The following WARS2 variants were observed in gnomAD, a reference collection of about 807,000 sequenced individuals.
WARS2 encodes tryptophan--tRNA ligase, mitochondrial.
A neutral mutation model predicts 36.5 loss-of-function variants in WARS2; 28 were observed. That is an observed-to-expected ratio of 0.77 (90% confidence interval 0.57 to 1.05). WARS2 has a LOEUF of 1.05. Among genes scored for constraint, WARS2 ranks in the 50% least tolerant of loss-of-function variants. The probability of loss-of-function intolerance (pLI) is 0.00; values close to 1 mark genes in which losing one functional copy is unlikely to be tolerated. For missense variants in WARS2, 435 were observed against 456.8 expected (o/e 0.95, Z 0.44); for synonymous variants, 174 against 178.4 (o/e 0.98, Z 0.20).
intron 4 of WARS2, among the ~76,000 whole-genome samples, chr1:119,036,334 G>A (rs1485800291): frequency 6.6e-6 from 1 of 152,176 alleles, no homozygotes; most frequent in Non-Finnish European, 1.5e-5. Flanking sequence ...TCAGTGAGTG[G>A]CAAAAACAAA....
At chr1:119,102,379 T>C (rs1235542660) in intron 1 of WARS2, among the ~76,000 whole-genome samples, 1 of 152,226 alleles carries the variant, frequency 6.6e-6, no homozygotes, top group Admixed American at 6.5e-5. Flanking sequence ...ATTCAGTACA[T>C]TGTACCAACT....
At chr1:119,091,323 ATAAAAACTCTGAGGTACTTGTTT>A (rs1456354402) in intron 1 of WARS2, among the ~76,000 whole-genome samples, 1 of 152,208 alleles carries the variant, frequency 6.6e-6, no homozygotes, top group Non-Finnish European at 1.5e-5. Flanking sequence ...TTTGATCCTC[ATAAAAACTCTGAGGTACTTGTTT>A]CACAAGGATG....
chr1:119,051,755 C>G (rs1336004283), intron 2 of WARS2, among the ~76,000 whole-genome samples: 1 of 143,376 alleles, frequency 7.0e-6, no homozygotes, highest in African/African-American at 2.7e-5. Flanking sequence ...GTTGGTATCT[C>G]GCTGTAATTT....
At chr1:119,085,233 C>A (rs6658479) in intron 1 of WARS2, 1 of 856,178 alleles carries the variant, frequency 1.2e-6, no homozygotes, top group African/African-American at 1.7e-5. Flanking sequence ...CTTGGGTTTC[C>A]CCTTCTTCAG....
chr1:119,088,233 T>C (rs1436552927), intron 1 of WARS2, among the ~76,000 whole-genome samples: 3 of 152,156 alleles, frequency 2.0e-5, no homozygotes, highest in Non-Finnish European at 2.9e-5. Flanking sequence ...CTGCAATCAC[T>C]TGGGAGCTTT....
At chr1:119,060,361 C>G (rs1236162746) in intron 2 of WARS2, among the ~76,000 whole-genome samples, 2 of 152,202 alleles carry the variant, frequency 1.3e-5, no homozygotes, top group African/African-American at 4.8e-5. Context: ...TGCTATAACC[C>G]CACATGGCAG....
intron 2 of WARS2, among the ~76,000 whole-genome samples, chr1:119,071,687 T>G (rs1215710572): frequency 6.6e-6 from 1 of 152,154 alleles, no homozygotes. Flanking sequence ...AATGGGAAGA[T>G]GTTGGTCAAA....
At chr1:119,096,397 A>G (rs1018488733) in intron 1 of WARS2, among the ~76,000 whole-genome samples, 2 of 152,182 alleles carry the variant, frequency 1.3e-5, no homozygotes, top group East Asian at 1.9e-4. Flanking sequence ...GACTTTATTC[A>G]CCAGCGAAAT....
At chr1:119,051,916 C>T (rs921766669) in intron 2 of WARS2, among the ~76,000 whole-genome samples, 3 of 151,592 alleles carry the variant, frequency 2.0e-5, no homozygotes, top group South Asian at 2.1e-4. Flanking sequence ...ATGCAACTAC[C>T]GCCCGGCTAA....
intron 1 of WARS2, among the ~76,000 whole-genome samples, chr1:119,079,584 T>C (rs1158324840): frequency 2.0e-5 from 3 of 152,198 alleles, no homozygotes; most frequent in Non-Finnish European, 4.4e-5. Flanking sequence ...GTTAAGTCTT[T>C]TTTATACCTA....
chr1:119,053,106 G>A (rs538374548), intron 2 of WARS2, among the ~76,000 whole-genome samples: 43 of 152,194 alleles, frequency 2.8e-4, no homozygotes, highest in Admixed American at 1.5e-3. Flanking sequence ...CGAAGCAGGG[G>A]TCAGCAAACT....
chr1:119,081,818 A>T (rs1652213551), intron 1 of WARS2, among the ~76,000 whole-genome samples: 1 of 152,208 alleles, frequency 6.6e-6, no homozygotes, highest in African/African-American at 2.4e-5. Context: ...TGAAGAGCTG[A>T]AACAGAGAAG....
At chr1:119,084,185 T>TC (rs1652440665) in intron 1 of WARS2, among the ~76,000 whole-genome samples, 1 of 151,222 alleles carries the variant, frequency 6.6e-6, no homozygotes, top group Non-Finnish European at 1.5e-5. Context: ...CGGCTAATTT[T>TC]TTTTTTGGTA....
chr1:119,051,331 G>A (rs1649331419), intron 2 of WARS2, among the ~76,000 whole-genome samples: 1 of 152,068 alleles, frequency 6.6e-6, no homozygotes, highest in South Asian at 2.1e-4. Flanking sequence ...ATGGCCTCCA[G>A]CTCCGTCCAT....
chr1:119,085,697 G>A (rs1323742739), intron 1 of WARS2: 6 of 1,464,220 alleles, frequency 4.1e-6, no homozygotes, highest in South Asian at 2.3e-5. Context: ...TGCTCCTCTG[G>A]TCTTCATAGC....
intron 1 of WARS2, among the ~76,000 whole-genome samples, chr1:119,133,924 T>C (rs920025725): frequency 6.6e-6 from 1 of 152,136 alleles, no homozygotes; most frequent in Non-Finnish European, 1.5e-5. Flanking sequence ...TTGTATATTG[T>C]ATTCAAGAGT....
In WARS2 at chr1:119,093,356, T is replaced by C. The variant is rs587722447; in HGVS notation, c.91-16749A>G. 2.6e-4 allele frequency among the ~76,000 whole-genome samples: 39 copies of C among 151,788 alleles called. 1 individual carries two copies. In the South Asian group the frequency reaches 6.1e-3, roughly 24 times the overall value. ...ATGCCATTTTTCTAGTGTACTTCCA[T>C]TGCTTGGTGTAGTAGGTTGAATTAT... On this transcript the variant is annotated intron_variant, in intron 1 of 5. Coordinates refer to ENST00000235521, the MANE Select transcript of WARS2 (RefSeq NM_015836.4).
At chr1:119,095,065 G>T (rs1423560152) in intron 1 of WARS2, among the ~76,000 whole-genome samples, 6 of 151,884 alleles carry the variant, frequency 4.0e-5, no homozygotes, top group African/African-American at 1.5e-4. Flanking sequence ...TTTTTTTTAT[G>T]ATCGATTCCA....
intron 2 of WARS2, chr1:119,047,575 T>C (rs1351617581): frequency 6.6e-6 from 1 of 152,182 alleles, no homozygotes; most frequent in East Asian, 1.9e-4. Flanking sequence ...ACAGAAAAAG[T>C]AGGTAAAAGG....
Sources: allele counts gnomAD v4.1 joint callset (sites outside exome capture counted in the v4.1 genomes callset), GRCh38; gene constraint gnomAD v4.1.1; transcripts MANE v1.5; gene names NCBI Gene and HGNC (gene_info 2026-07-23, HGNC 2026-07-21).